The following GPC5 variants were observed in gnomAD, a reference collection of about 807,000 sequenced individuals.
The protein encoded by GPC5 is glypican 5, also known as glypican-5.
A neutral mutation model predicts 53.9 loss-of-function variants in GPC5; 47 were observed. That is an observed-to-expected ratio of 0.87 (90% confidence interval 0.69 to 1.11). The LOEUF is 1.11. GPC5 is among the 50% of genes most tolerant of loss of function. The pLI is 0.00. For synonymous variants in GPC5, 286 were observed against 263.3 expected (o/e 1.09, Z -0.84); for missense variants, 748 against 713.1 (o/e 1.05, Z -0.56).
rs1188885741 is a variant in GPC5 at position 91,715,080 on chromosome 13, G to C, written c.1021-13452G>C. Among the ~76,000 whole-genome samples, 13 of 152,320 alleles carry C rather than the reference G, an allele frequency of 8.5e-5. No homozygotes were observed. In the East Asian group the frequency reaches 2.5e-3, roughly 29 times the overall value. ...TTTATGCAGAAATTTCTAGGAAAAG[G>C]GTAGCCATTTCTGGGTCATCTGGTC... On this transcript the variant is annotated intron_variant, in intron 3 of 7. Transcript: ENST00000377067.
chr13:91,790,130 T>A (rs538135222), intron 5 of GPC5, among the ~76,000 whole-genome samples: 1 of 152,298 alleles, frequency 6.6e-6, no homozygotes, highest in East Asian at 1.9e-4. Context: ...CCAACATTCA[T>A]CTTTTATATT....
intron 5 of GPC5, among the ~76,000 whole-genome samples, chr13:91,779,528 T>C (rs2037763620): frequency 6.6e-6 from 1 of 152,078 alleles, no homozygotes; most frequent in African/African-American, 2.4e-5. Context: ...AACGAGCTAA[T>C]GTTTGTATTT....
At chr13:92,601,813 A>G (rs1345533771) in intron 7 of GPC5, among the ~76,000 whole-genome samples, 1 of 151,966 alleles carries the variant, frequency 6.6e-6, no homozygotes, top group Admixed American at 6.6e-5. Flanking sequence ...GAAGAGAAAT[A>G]CAGAAATCTG....
At chr13:92,699,886 GAGA>G (rs1463804588) in intron 7 of GPC5, among the ~76,000 whole-genome samples, 1 of 152,190 alleles carries the variant, frequency 6.6e-6, no homozygotes, top group Non-Finnish European at 1.5e-5. Flanking sequence ...GTGTGGTGCT[GAGA>G]AGAATGTATA....
chr13:92,084,743 C>G (rs1314770470), intron 6 of GPC5, among the ~76,000 whole-genome samples: 1 of 152,080 alleles, frequency 6.6e-6, no homozygotes, highest in African/African-American at 2.4e-5. Context: ...TATTTGTATA[C>G]AGTAATTGGA....
At chr13:92,229,295 A>G (rs1186192175) in intron 7 of GPC5, among the ~76,000 whole-genome samples, 2 of 152,112 alleles carry the variant, frequency 1.3e-5, no homozygotes, top group Admixed American at 6.6e-5. Context: ...AAATTGAAAT[A>G]CTGTATTGAT....
chr13:91,551,769 T>C (rs777084034), intron 2 of GPC5, among the ~76,000 whole-genome samples: 2 of 152,130 alleles, frequency 1.3e-5, no homozygotes, highest in Non-Finnish European at 2.9e-5. Flanking sequence ...AGAATGTATT[T>C]GGTTCTTAAC....
intron 5 of GPC5, among the ~76,000 whole-genome samples, chr13:91,844,215 A>T (rs1445183186): frequency 6.6e-6 from 1 of 152,208 alleles, no homozygotes; most frequent in Admixed American, 6.5e-5. Flanking sequence ...AAGGAAAAGG[A>T]GTGGTAATCA....
At chr13:92,365,743 C>T (rs889095038) in intron 7 of GPC5, among the ~76,000 whole-genome samples, 5 of 150,712 alleles carry the variant, frequency 3.3e-5, no homozygotes, top group Non-Finnish European at 5.9e-5. Context: ...GGGTCAGGAT[C>T]ATCAATACCG....
At chr13:91,439,754 T>G (rs1392464774) in intron 1 of GPC5, among the ~76,000 whole-genome samples, 1 of 152,210 alleles carries the variant, frequency 6.6e-6, no homozygotes, top group Non-Finnish European at 1.5e-5. Context: ...CAGGTTATCT[T>G]CTACGTTCAG....
chr13:91,840,079 C>A (rs1410767556), intron 5 of GPC5, among the ~76,000 whole-genome samples: 1 of 152,056 alleles, frequency 6.6e-6, no homozygotes, highest in African/African-American at 2.4e-5. Flanking sequence ...TTTCCCCCAT[C>A]CCTGGCTGTG....
At chr13:92,493,556 T>A in intron 7 of GPC5, among the ~76,000 whole-genome samples, 1 of 152,098 alleles carries the variant, frequency 6.6e-6, no homozygotes, top group East Asian at 1.9e-4. Flanking sequence ...GGGGAAAAAA[T>A]ATATATGAAT....
At chr13:92,558,069 T>C (rs1882561527) in intron 7 of GPC5, among the ~76,000 whole-genome samples, 1 of 151,942 alleles carries the variant, frequency 6.6e-6, no homozygotes, top group South Asian at 2.1e-4. Flanking sequence ...TTTATTTACA[T>C]CATCAATAAA....
At chr13:91,843,475 G>A (rs569997691) in intron 5 of GPC5, among the ~76,000 whole-genome samples, 59 of 152,254 alleles carry the variant, frequency 3.9e-4, no homozygotes, top group Admixed American at 1.1e-3. Context: ...ATATATGTAC[G>A]TAATGGCAAA....
intron 2 of GPC5, among the ~76,000 whole-genome samples, chr13:91,658,752 C>T (rs901903072): frequency 4.6e-5 from 7 of 152,174 alleles, no homozygotes; most frequent in African/African-American, 1.7e-4. Flanking sequence ...TTTCCTCCAT[C>T]ATCCCTCATA....
chr13:91,592,275 G>A (rs2032828184), intron 2 of GPC5, among the ~76,000 whole-genome samples: 1 of 152,146 alleles, frequency 6.6e-6, no homozygotes, highest in African/African-American at 2.4e-5. Context: ...TGGTGAATAG[G>A]CTCTAATTCA....
At chr13:92,781,917 A>G (rs926406785) in intron 7 of GPC5, among the ~76,000 whole-genome samples, 3 of 152,194 alleles carry the variant, frequency 2.0e-5, no homozygotes, top group Non-Finnish European at 4.4e-5. Flanking sequence ...TAATTGCCAA[A>G]ATAATTATCA....
intron 2 of GPC5, among the ~76,000 whole-genome samples, chr13:91,647,177 G>A (rs1299286937): frequency 6.6e-6 from 1 of 151,104 alleles, no homozygotes; most frequent in Non-Finnish European, 1.5e-5. Context: ...TTTTTGTGCA[G>A]GGTATACATG....
At chr13:92,146,855 C>T (rs978874096) in intron 7 of GPC5, among the ~76,000 whole-genome samples, 1 of 152,024 alleles carries the variant, frequency 6.6e-6, no homozygotes, top group Non-Finnish European at 1.5e-5. Flanking sequence ...CCCTTTATGG[C>T]TGAATAGTAT....
Sources: allele counts gnomAD v4.1 joint callset (sites outside exome capture counted in the v4.1 genomes callset), GRCh38; gene constraint gnomAD v4.1.1; transcripts MANE v1.5; gene names NCBI Gene and HGNC (gene_info 2026-07-23, HGNC 2026-07-21).